The following SLC25A24 variants were observed in gnomAD, a reference collection of about 807,000 sequenced individuals.
SLC25A24 encodes the protein solute carrier family 25 member 24, also known as mitochondrial adenyl nucleotide antiporter SLC25A24.
A neutral mutation model predicts 60.7 loss-of-function variants in SLC25A24; 49 were observed. The ratio of observed to expected loss-of-function variants is 0.81; its 90% confidence interval spans 0.64 to 1.02. The LOEUF (loss-of-function observed/expected upper bound fraction) is 1.02. Ranked by LOEUF, SLC25A24 falls within the 50% of genes least tolerant of loss-of-function variation. SLC25A24 has a pLI of 0.00. For synonymous variants in SLC25A24, 202 were observed against 200.6 expected, an observed-to-expected ratio of 1.01 and a Z score of -0.06; for missense variants, 564 against 586.3, an observed-to-expected ratio of 0.96 and a Z score of 0.39.
chr1:108,144,566 G>A (rs939203273), intron 7 of SLC25A24, among the ~76,000 whole-genome samples: 1 of 152,056 alleles, frequency 6.6e-6, no homozygotes, highest in African/African-American at 2.4e-5. Context: ...TTCTTCTAAT[G>A]CTATTCCTCC....
At chr1:108,174,391 A>G (rs1412301992) in intron 3 of SLC25A24, among the ~76,000 whole-genome samples, 1 of 152,186 alleles carries the variant, frequency 6.6e-6, no homozygotes, top group Non-Finnish European at 1.5e-5. Flanking sequence ...CACACAGAAG[A>G]TAAGAATTAA....
intron 3 of SLC25A24, among the ~76,000 whole-genome samples, chr1:108,162,494 T>C (rs1316521865): frequency 7.4e-5 from 11 of 149,420 alleles, no homozygotes; most frequent in Non-Finnish European, 1.6e-4. Flanking sequence ...TTCTAACTGG[T>C]GTGAGATGGT....
At chr1:108,142,238 A>C (rs946425687) in intron 8 of SLC25A24, among the ~76,000 whole-genome samples, 17 of 152,222 alleles carry the variant, frequency 1.1e-4, no homozygotes, top group Non-Finnish European at 2.4e-4. Context: ...ACACAGAATG[A>C]CCATATGGCT....
rs76856099 is a variant in SLC25A24 at position 108,197,658 on chromosome 1, G to A, written c.183+2298C>T. Among the ~76,000 whole-genome samples the A allele has an allele frequency of 8.3e-3, 1,260 of 152,320 alleles. 17 individuals carry two copies. Among genetic ancestry groups the A allele is most frequent in the African/African-American group, 0.029 (1,212 of 41,558 alleles). On this transcript the variant is annotated intron_variant, in intron 1 of 9. Coordinates refer to ENST00000565488, the MANE Select transcript of SLC25A24 (RefSeq NM_013386.5). ...AACTGGTAAAACATGATTTCTGGGT[G>A]TGTCTGTGAGGATGTCTCTGGAGGA...
intron 6 of SLC25A24, among the ~76,000 whole-genome samples, chr1:108,153,371 C>T (rs539309843): frequency 6.6e-6 from 1 of 152,294 alleles, no homozygotes; most frequent in South Asian, 2.1e-4. Context: ...TAGTTACATA[C>T]TCTGGGAAAT....
intron 5 of SLC25A24, among the ~76,000 whole-genome samples, chr1:108,155,831 C>T (rs994022894): frequency 3.3e-5 from 5 of 152,128 alleles, no homozygotes; most frequent in Admixed American, 1.3e-4. Flanking sequence ...CTTAAAAATA[C>T]TGTACCTTAT....
chr1:108,148,362 C>G lies in SLC25A24; in HGVS notation c.847G>C (p.Gly283Arg). 6.2e-7 allele frequency: 1 copy of G among 1,610,724 alleles called. No individual in the cohort carries two copies. Among genetic ancestry groups the G allele is most frequent in the Admixed American group, 1.7e-5 (1 of 59,826 alleles). Residue 283 changes from glycine to arginine, a missense_variant, in exon 7 of 10, where the codon GGA becomes CGA. By Grantham distance (125) the Gly-to-Arg change is moderately radical. Transcript: ENST00000565488. ...CTCTCAAATGTTCCTATTTTTTGTCCTTCTTCAGTAAGTAACTTCTTGTAC... is the reference window on the plus strand; with the variant it reads ...CTCTCAAATGTTCCTATTTTTTGTCGTTCTTCAGTAAGTAACTTCTTGTAC... ...EQYKKLLTEE[G>R]QKIGTFERFI...
chr1:108,168,379 CCA>C (rs1278383801), intron 3 of SLC25A24, among the ~76,000 whole-genome samples: 1 of 152,060 alleles, frequency 6.6e-6, no homozygotes. Flanking sequence ...ACCCAACTCC[CCA>C]CACATAAGCA....
intron 7 of SLC25A24, among the ~76,000 whole-genome samples, chr1:108,146,739 A>G (rs886193383): frequency 2.0e-5 from 3 of 152,168 alleles, no homozygotes; most frequent in Non-Finnish European, 2.9e-5. Flanking sequence ...CATATGTTGA[A>G]CAGCCTTGCA....
chr1:108,165,586 G>T (rs1680226450), intron 3 of SLC25A24, among the ~76,000 whole-genome samples: 1 of 152,112 alleles, frequency 6.6e-6, no homozygotes, highest in Non-Finnish European at 1.5e-5. Flanking sequence ...TTGGTTTAAA[G>T]TCTGTTTTAT....
chr1:108,161,961 A>G (rs1239935566), intron 3 of SLC25A24, among the ~76,000 whole-genome samples: 2 of 95,966 alleles, frequency 2.1e-5, no homozygotes, highest in Non-Finnish European at 4.0e-5. Context: ...CCCACCCCAC[A>G]ACAGTCCCCA....
In SLC25A24 at chr1:108,192,146, T is replaced by C. The variant is rs979604223; in HGVS notation, c.184-6192A>G. Among the ~76,000 whole-genome samples, 3 of 138,254 alleles carry C rather than the reference T, an allele frequency of 2.2e-5. 1 individual carries two copies. The East Asian group carries it at 8.0e-4, about 37-fold the overall frequency. The allele number at this position is 138,254 out of a possible 152,430, so 90.7% of individuals were successfully genotyped here. On this transcript the variant is annotated intron_variant, in intron 1 of 9. Coordinates refer to ENST00000565488, the MANE Select transcript of SLC25A24 (RefSeq NM_013386.5). ...ACGTAGAGTGATTATTCCAGTTCTC[T>C]GAACTGGGGAGGGCGCATCTTTAGC...
chr1:108,137,221 C>T (rs1457712165), intron 9 of SLC25A24, among the ~76,000 whole-genome samples: 3 of 152,128 alleles, frequency 2.0e-5, no homozygotes, highest in Non-Finnish European at 4.4e-5. Flanking sequence ...TGGTCTGACT[C>T]TAAAGCTGGT....
chr1:108,138,452 G>T (rs1253613398), intron 9 of SLC25A24, among the ~76,000 whole-genome samples: 1 of 152,294 alleles, frequency 6.6e-6, no homozygotes, highest in Admixed American at 6.5e-5. Context: ...TAATAGAGTG[G>T]GGATAGCAAT....
chr1:108,139,859 G>T (rs998162721), intron 8 of SLC25A24, among the ~76,000 whole-genome samples: 5 of 151,976 alleles, frequency 3.3e-5, no homozygotes, highest in Non-Finnish European at 5.9e-5. Flanking sequence ...TGATCCGCCC[G>T]CCTCGGCCTC....
Position 108,157,563 on chromosome 1 carries a change from T to G in SLC25A24, c.568A>C (p.Lys190Gln). 6.2e-7 allele frequency: 1 copy of G among 1,614,156 alleles called. No individual in the cohort carries two copies. Residue 190 changes from lysine to glutamine, a missense_variant, in exon 5 of 10, where the codon AAA becomes CAA. Lys to Gln is a moderately conservative substitution (Grantham distance 53, BLOSUM62 1). Coordinates refer to ENST00000565488, the MANE Select transcript of SLC25A24 (RefSeq NM_013386.5). The stretch of plus-strand genomic sequence containing the variant: ...AGCTGCCTCCACCATTGTCCGGATT[T>G]TTTTTCGTCTTCCGTGAATTCATCT... ...IPDEFTEDEK[K>Q]SGQWWRQLLA...
chr1:108,156,467 C>A (rs1416328162), intron 5 of SLC25A24, among the ~76,000 whole-genome samples: 2 of 152,152 alleles, frequency 1.3e-5, no homozygotes, highest in Admixed American at 6.5e-5. Flanking sequence ...AAACACACAC[C>A]AATCCCCTCT....
chr1:108,138,319 C>T (rs1443172051), intron 9 of SLC25A24, among the ~76,000 whole-genome samples: 4 of 152,126 alleles, frequency 2.6e-5, no homozygotes, highest in Non-Finnish European at 5.9e-5. Context: ...CTGTGGCTGG[C>T]ACTTGGAAGG....
chr1:108,166,246 T>C (rs1231559672), intron 3 of SLC25A24, among the ~76,000 whole-genome samples: 1 of 152,042 alleles, frequency 6.6e-6, no homozygotes, highest in African/African-American at 2.4e-5. Context: ...TCATTTCAAC[T>C]TTGGTGAATC....
Sources: allele counts gnomAD v4.1 joint callset (sites outside exome capture counted in the v4.1 genomes callset), GRCh38; gene constraint gnomAD v4.1.1; transcripts MANE v1.5; gene names NCBI Gene and HGNC (gene_info 2026-07-23, HGNC 2026-07-21).